The following FER1L5 variants were observed in gnomAD, a reference collection of about 807,000 sequenced individuals.
FER1L5 encodes fer-1-like protein 5.
In FER1L5, 187 loss-of-function variants were observed where a neutral mutation model predicts 279.9. The ratio of observed to expected loss-of-function variants is 0.67; its 90% confidence interval spans 0.59 to 0.75. The LOEUF is 0.75. Among genes scored for constraint, FER1L5 ranks in the 30% least tolerant of loss-of-function variants. The pLI is 0.00. For missense variants in FER1L5, 2,091 were observed against 2,594.4 expected, an observed-to-expected ratio of 0.81 and a Z score of 4.21; for synonymous variants, 921 against 989.7, an observed-to-expected ratio of 0.93 and a Z score of 1.30.
In FER1L5 at chr2:96,704,686, A is replaced by AG. The variant is rs2077722011; in HGVS notation, c.6169dup (p.Asp2057GlyfsTer61). 1.2e-6 allele frequency: 2 copies of AG among 1,613,610 alleles called. No homozygotes were observed. Among genetic ancestry groups the AG allele is most frequent in the Non-Finnish European group, 1.7e-6 (2 of 1,179,636 alleles). ...TTTTCCCAGAACTTCCAGCCCCAGG[A>AG]GACTAATTAGTCCATGCTGCCTGGC... On this transcript the variant is annotated frameshift_variant, in exon 53 of 53. Transcript: ENST00000624922. LOFTEE classifies it high-confidence loss of function.
At position 96,702,162 on chromosome 2, in the gene FER1L5, G is replaced by A; in HGVS notation, c.5159+119G>A. ...ATTCGTTTCTCTATTGGGAAGAGAG[G>A]AAGCTCTACTGGGAGCTTTCTTCCC... On this transcript the variant is annotated intron_variant, in intron 46 of 52. Transcript: ENST00000624922. This position sits in a 1 kb window ranked among gnomAD's most constrained non-coding sequence, Gnocchi z 4.0. 1 of 1,561,572 alleles carries A rather than the reference G, an allele frequency of 6.4e-7. No homozygotes were observed. The highest frequency in any genetic ancestry group is 8.7e-7 in the Non-Finnish European group (1 of 1,148,202).
At chr2:96,674,886 G>C (rs2076455617) in intron 19 of FER1L5, among the ~76,000 whole-genome samples, 1 of 152,196 alleles carries the variant, frequency 6.6e-6, no homozygotes, top group South Asian at 2.1e-4. Flanking sequence ...AAAACTATCA[G>C]CATCTTAGAA....
In FER1L5 at chr2:96,689,318, T is replaced by A. The variant is rs1558907289; in HGVS notation, c.2467T>A (p.Phe823Ile). The A allele has an allele frequency of 6.5e-7, 1 of 1,550,346 alleles. No individual in the cohort carries two copies. The highest frequency in any genetic ancestry group is 1.2e-5 in the South Asian group (1 of 83,902). Residue 823 changes from phenylalanine to isoleucine, a missense_variant, in exon 25 of 53, where the codon TTC becomes ATC. Transcript: ENST00000624922. The surrounding 1 kb of genome is among the most constrained non-coding windows in gnomAD (Gnocchi z 4.6). The part of the protein sequence containing the change: ...MGNKTLPMTD[F>I]QPPLGWHWQD... ...GAACAAGACCCTCCCCATGACGGAT[T>A]TCCAACCACCCCTGGGATGGCACTG... is the stretch of plus-strand genomic sequence containing the variant.
intron 1 of FER1L5, among the ~76,000 whole-genome samples, chr2:96,643,550 A>C (rs1339060697): frequency 1.3e-5 from 2 of 151,984 alleles, no homozygotes; most frequent in Non-Finnish European, 2.9e-5. Flanking sequence ...GGGTTTCACC[A>C]TATTGGTCAG....
At chr2:96,669,206 G>A in intron 17 of FER1L5, 69 bp downstream of exon 17, 2 of 1,443,816 alleles carry the variant, frequency 1.4e-6, no homozygotes, top group South Asian at 1.3e-5. Flanking sequence ...ACTAGGGCCT[G>A]GGACGTGCCC....
At chr2:96,660,243 C>A in intron 9 of FER1L5, 98 bp from the exon 10 acceptor site, 1 of 1,260,194 alleles carries the variant, frequency 7.9e-7, no homozygotes, top group Non-Finnish European at 1.1e-6. Context: ...AGAGAACATA[C>A]TGAAGCCCCA....
At position 96,669,112 on chromosome 2, in the gene FER1L5, CT is replaced by C; in HGVS notation, c.1340del (p.Phe447SerfsTer18). 3 of 1,551,706 alleles carry C rather than the reference CT, an allele frequency of 1.9e-6. No homozygotes were observed. Among genetic ancestry groups the C allele is most frequent in the Non-Finnish European group, 2.6e-6 (3 of 1,147,004 alleles). On this transcript the variant is annotated frameshift_variant, in exon 17 of 53. Coordinates refer to ENST00000624922, the MANE Select transcript of FER1L5 (RefSeq NM_001293083.2). LOFTEE classifies it high-confidence loss of function. ...FLTLHGGKKA[P>X]FRIQEEGACI... ...ACTCTGCATGGGGGTAAAAAGGCCC[CT>C]TTCAGGATCCAGGAAGAAGGCGCTG...
intron 37 of FER1L5, 125 bp downstream of exon 37, chr2:96,696,202 T>C: frequency 8.3e-7 from 1 of 1,207,752 alleles, no homozygotes; most frequent in Non-Finnish European, 1.2e-6. Flanking sequence ...CACCTCGCTC[T>C]GTAGGGTCCT....
chr2:96,662,194 C>G, intron 12 of FER1L5, 21 bp from the exon 13 acceptor site: 1 of 1,551,204 alleles, frequency 6.4e-7, no homozygotes, highest in Non-Finnish European at 8.7e-7. Flanking sequence ...GCTCAGATAT[C>G]TTTTAACTTG....
chr2:96,681,444 C>G (rs112535239), intron 19 of FER1L5, among the ~76,000 whole-genome samples: 3,974 of 152,258 alleles, frequency 0.026, 185 homozygotes, highest in African/African-American at 0.09. Flanking sequence ...GCAAGCCAAT[C>G]CTCTCTGGAG....
Position 96,694,789 on chromosome 2 carries a change from G to C in FER1L5, c.3741+325G>C. ...GGCTCCAAGAGATAACACATTCCACGCACAGTGATGCAGGGACTAACTGAC... is the reference window on the plus strand; with the variant it reads ...GGCTCCAAGAGATAACACATTCCACCCACAGTGATGCAGGGACTAACTGAC... On this transcript the variant is annotated intron_variant, in intron 34 of 52. Coordinates refer to ENST00000624922, the MANE Select transcript of FER1L5 (RefSeq NM_001293083.2). The surrounding 1 kb of genome is among the most constrained non-coding windows in gnomAD (Gnocchi z 4.6). 1 of 204,708 alleles carries C rather than the reference G, an allele frequency of 4.9e-6. No individual in the cohort carries two copies. The highest frequency in any genetic ancestry group is 1.1e-4 in the East Asian group (1 of 9,202). 12.7% of individuals were successfully genotyped at this position (204,708 alleles called of 1,614,324 possible).
Position 96,691,377 on chromosome 2 carries a change from G to A in FER1L5, c.2907+24G>A. 2 of 1,543,374 alleles carry A rather than the reference G, an allele frequency of 1.3e-6. No homozygotes were observed. The highest frequency in any genetic ancestry group is 1.8e-6 in the Non-Finnish European group (2 of 1,141,680). ...TGGTGAGGGGTCGACGGGCGCCCTG[G>A]CTGGGACTGCGGGCAGGGCCGCCTT... is the stretch of plus-strand genomic sequence containing the variant. On this transcript the variant is annotated intron_variant, in intron 28 of 52. Transcript: ENST00000624922. The surrounding 1 kb of genome is among the most constrained non-coding windows in gnomAD (Gnocchi z 6.0).
At position 96,684,257 on chromosome 2, in the gene FER1L5, G is replaced by A. The variant is rs1163163719; in HGVS notation, c.1670-70G>A. Reference sequence around the variant, plus strand: ...AGTGGTCCAGAGAGGTCCTCGGAGGGAGCACAGTGAGAAGAGACCTCCCAG... The same window carrying A: ...AGTGGTCCAGAGAGGTCCTCGGAGGAAGCACAGTGAGAAGAGACCTCCCAG... On this transcript the variant is annotated intron_variant, in intron 19 of 52. Transcript: ENST00000624922. The A allele has an allele frequency of 2.6e-6, 4 of 1,518,952 alleles. No individual in the cohort carries two copies. The African/African-American group carries it at 4.1e-5, about 16-fold the overall frequency. 94.1% of individuals were successfully genotyped at this position (1,518,952 alleles called of 1,614,324 possible).
Position 96,689,785 on chromosome 2 carries a change from T to G in FER1L5, c.2640+27T>G. ...TGAGCAGGGCCGAAGCTGCCTCGGGTTAGGGGGCAAGCAAGGCCACCAGGC... is the reference window on the plus strand; with the variant it reads ...TGAGCAGGGCCGAAGCTGCCTCGGGGTAGGGGGCAAGCAAGGCCACCAGGC... On this transcript the variant is annotated intron_variant, in intron 26 of 52. Coordinates refer to ENST00000624922, the MANE Select transcript of FER1L5 (RefSeq NM_001293083.2). This position sits in a 1 kb window ranked among gnomAD's most constrained non-coding sequence, Gnocchi z 4.6. 6.6e-7 allele frequency: 1 copy of G among 1,517,562 alleles called. No individual in the cohort carries two copies. Among genetic ancestry groups the G allele is most frequent in the Non-Finnish European group, 8.9e-7 (1 of 1,129,526 alleles). 94.0% of individuals were successfully genotyped at this position (1,517,562 alleles called of 1,614,324 possible).
Position 96,701,034 on chromosome 2 carries a change from C to A in FER1L5, c.5070+563C>A, listed in dbSNP as rs1405836311. Among the ~76,000 whole-genome samples the A allele has an allele frequency of 3.9e-5, 6 of 152,348 alleles. No individual in the cohort carries two copies. The South Asian group carries it at 8.3e-4, about 21-fold the overall frequency. ...ATTTTTAAAAAACCATTCCCACAGG[C>A]CAGGTGCAGTGGCTCACGCCTGTAA... On this transcript the variant is annotated intron_variant, in intron 45 of 52. Coordinates refer to ENST00000624922, the MANE Select transcript of FER1L5 (RefSeq NM_001293083.2).
Position 96,691,733 on chromosome 2 carries a change from G to A in FER1L5, c.3076-92G>A. On this transcript the variant is annotated intron_variant, in intron 29 of 52. Transcript: ENST00000624922. This position sits in a 1 kb window ranked among gnomAD's most constrained non-coding sequence, Gnocchi z 6.0. Reference sequence around the variant, plus strand: ...GCCTCTGTTCCTCAGGCTTGCGAGGGTGGCAGTGTGAGGGAGGAGGGTGAC... The same window carrying A: ...GCCTCTGTTCCTCAGGCTTGCGAGGATGGCAGTGTGAGGGAGGAGGGTGAC... The A allele has an allele frequency of 6.4e-7, 1 of 1,550,944 alleles. No individual in the cohort carries two copies. Among genetic ancestry groups the A allele is most frequent in the Non-Finnish European group, 8.7e-7 (1 of 1,146,698 alleles).
intron 37 of FER1L5, 75 bp from the exon 38 acceptor site, chr2:96,697,451 A>G (rs555613698): frequency 3.9e-6 from 6 of 1,540,692 alleles, no homozygotes; most frequent in South Asian, 2.4e-5. Flanking sequence ...TCTGGCCTCA[A>G]CCCCCCTCTC....
chr2:96,695,474 G>C (rs1475642706), intron 34 of FER1L5, 35 bp from the exon 35 acceptor site: 2 of 1,543,526 alleles, frequency 1.3e-6, no homozygotes, highest in African/African-American at 2.8e-5. Context: ...GGCGCTGCCT[G>C]CCCCTTGTCC....
intron 31 of FER1L5, among the ~76,000 whole-genome samples, chr2:96,692,987 C>T (rs1476257601): frequency 6.6e-6 from 1 of 151,968 alleles, no homozygotes; most frequent in Non-Finnish European, 1.5e-5. Context: ...ACCAGCCTGG[C>T]CAACATGGTG....
Sources: allele counts gnomAD v4.1 joint callset (sites outside exome capture counted in the v4.1 genomes callset), GRCh38; gene constraint gnomAD v4.1.1; non-coding constraint Gnocchi (gnomAD v3.1); transcripts MANE v1.5; gene names NCBI Gene and HGNC (gene_info 2026-07-23, HGNC 2026-07-21).